Variants in TEKT2 observed in about 807,000 individuals in gnomAD.
TEKT2 encodes tektin 2, also known as tektin-2.
In TEKT2, 45 loss-of-function variants were observed where a neutral mutation model predicts 49.8. The observed-to-expected ratio is 0.90, with a 90% confidence interval of 0.71 to 1.16. The LOEUF is 1.16. TEKT2 is among the 50% of genes most tolerant of loss of function. The pLI, the probability that TEKT2 is intolerant of heterozygous loss-of-function variation, is 0.00. For synonymous variants in TEKT2, 202 were observed against 224.6 expected, an observed-to-expected ratio of 0.90 and a Z score of 0.90; for missense variants, 523 against 551.4, an observed-to-expected ratio of 0.95 and a Z score of 0.52.
chr1:36,087,802 A>G lies in TEKT2; in HGVS notation c.1074A>G (p.Gln358=). Residue 358 remains glutamine (Q), a synonymous_variant, in exon 9 of 10, where the codon CAA becomes CAG. Coordinates refer to ENST00000207457, the MANE Select transcript of TEKT2 (RefSeq NM_014466.3). This position sits in a 1 kb window ranked among gnomAD's most constrained non-coding sequence, Gnocchi z 4.9. ...CTGCCCTGAAGCAGAAGCTGGCGCA[A>G]GCACAGTAGGTCTCGGGAGTGGGCG... ...TIAALKQKLA[Q]AQDALDALCK... is the part of the protein sequence containing the mutation. 1 of 1,613,754 alleles carries G rather than the reference A, an allele frequency of 6.2e-7. No homozygotes were observed. The highest frequency in any genetic ancestry group is 8.5e-7 in the Non-Finnish European group (1 of 1,180,002).
At position 36,087,231 on chromosome 1, in the gene TEKT2, G is replaced by T. The variant is rs776990867; in HGVS notation, c.775G>T (p.Val259Phe). The T allele has an allele frequency of 6.2e-7, 1 of 1,614,162 alleles. No homozygotes were observed. The highest frequency in any genetic ancestry group is 1.7e-5 in the Admixed American group (1 of 60,032). Residue 259 changes from valine (V) to phenylalanine (F), a missense_variant, in exon 7 of 10, where the codon GTT (valine) becomes TTT (phenylalanine). Transcript: ENST00000207457. The surrounding 1 kb of genome is among the most constrained non-coding windows in gnomAD (Gnocchi z 4.9). ...ETNNELEAQR[V>F]ATEFAFRKRL... The stretch of plus-strand genomic sequence containing the variant: ...CAACAACGAGCTTGAAGCCCAGAGA[G>T]TTGCAACGGAATTTGCCTTCAGGAA...
chr1:36,085,507 CT>C (rs1159834731), intron 3 of TEKT2, among the ~76,000 whole-genome samples: 4,809 of 82,670 alleles, frequency 0.058, 126 homozygotes, highest in African/African-American at 0.2. Context: ...TCTTTCTTTT[CT>C]TTTTTTTTTT....
At position 36,087,549 on chromosome 1, in the gene TEKT2, C is replaced by G; in HGVS notation, c.966C>G (p.Thr322=). The G allele has an allele frequency of 6.2e-7, 1 of 1,613,854 alleles. No homozygotes were observed. The highest frequency in any genetic ancestry group is 1.6e-4 in the Middle Eastern group (1 of 6,062). Residue 322 remains threonine, a synonymous_variant, in exon 8 of 10, where the codon ACC becomes ACG. Transcript: ENST00000207457. The surrounding 1 kb of genome is among the most constrained non-coding windows in gnomAD (Gnocchi z 4.9). ...CCCATACCCGGCTAGAGGCCAGAACCTACCGGCCCAACGTGGAACTCTGCC... is the reference window on the plus strand; with the variant it reads ...CCCATACCCGGCTAGAGGCCAGAACGTACCGGCCCAACGTGGAACTCTGCC... ...KLSHTRLEAR[T]YRPNVELCRD...
Position 36,087,662 on chromosome 1 carries a change from C to A in TEKT2, c.1000-66C>A. The A allele has an allele frequency of 6.2e-7, 1 of 1,612,204 alleles. No individual in the cohort carries two copies. Among genetic ancestry groups the A allele is most frequent in the South Asian group, 1.1e-5 (1 of 90,802 alleles). On this transcript the variant is annotated intron_variant, in intron 8 of 9. Coordinates refer to ENST00000207457, the MANE Select transcript of TEKT2 (RefSeq NM_014466.3). This position sits in a 1 kb window ranked among gnomAD's most constrained non-coding sequence, Gnocchi z 4.9. Reference sequence around the variant, plus strand: ...CCTGATGGAGCAAGGGCACTGCTGTCAAGGGGCAGCACTCAGGTAAAGGAC... The same window carrying A: ...CCTGATGGAGCAAGGGCACTGCTGTAAAGGGGCAGCACTCAGGTAAAGGAC...
Position 36,087,052 on chromosome 1 carries a change from G to T in TEKT2, c.747+7G>T. ...TGCTCTAACTATTGCTGAGGTGACAGGCCACCCACAGCTAATGGATGGTCC... is the reference window on the plus strand; with the variant it reads ...TGCTCTAACTATTGCTGAGGTGACATGCCACCCACAGCTAATGGATGGTCC... On this transcript the variant is annotated splice_region_variant and intron_variant, in intron 6 of 9. Transcript: ENST00000207457. This position sits in a 1 kb window ranked among gnomAD's most constrained non-coding sequence, Gnocchi z 4.9. 1 of 1,613,450 alleles carries T rather than the reference G, an allele frequency of 6.2e-7. No homozygotes were observed. The highest frequency in any genetic ancestry group is 1.1e-5 in the South Asian group (1 of 91,004).
Position 36,084,970 on chromosome 1 carries a change from T to C in TEKT2, c.49T>C (p.Trp17Arg). The change falls in exon 2 of 10, where the codon TGG becomes CGG. Residue 17 changes from tryptophan to arginine, a missense_variant. By Grantham distance (101) the Trp-to-Arg change is moderately radical (BLOSUM62 -3). Coordinates refer to ENST00000207457, the MANE Select transcript of TEKT2 (RefSeq NM_014466.3). This position sits in a 1 kb window ranked among gnomAD's most constrained non-coding sequence, Gnocchi z 4.1. ...KPSRRFQLPDWHTNSYLLSTN... is the reference protein window; with the variant it reads ...KPSRRFQLPDRHTNSYLLSTN... ...AAGTCGGCGCTTCCAGCTGCCCGAC[T>C]GGCACACTAACAGCTACCTGCTATC... 2 of 1,614,086 alleles carry C rather than the reference T, an allele frequency of 1.2e-6. No individual in the cohort carries two copies. The highest frequency in any genetic ancestry group is 1.7e-6 in the Non-Finnish European group (2 of 1,180,040).
At position 36,087,944 on chromosome 1, in the gene TEKT2, G is replaced by A. The variant is rs767777861; in HGVS notation, c.1080-29G>A. 5.0e-6 allele frequency: 8 copies of A among 1,600,430 alleles called. No homozygotes were observed. The highest frequency in any genetic ancestry group is 6.8e-6 in the Non-Finnish European group (8 of 1,173,762). ...GCCCAGGCCTCCCAGCCTCATGGGG[G>A]CTGGGGGGTTGTCAATGTCCTTCCC... is the stretch of plus-strand genomic sequence containing the variant. On this transcript the variant is annotated intron_variant, in intron 9 of 9. Coordinates refer to ENST00000207457, the MANE Select transcript of TEKT2 (RefSeq NM_014466.3). This position sits in a 1 kb window ranked among gnomAD's most constrained non-coding sequence, Gnocchi z 4.9.
chr1:36,086,989 G>A lies in TEKT2; in HGVS notation c.691G>A (p.Ala231Thr). ...FSRFNKDRAE[A>T]EMKAATELRE... ...TCGGTTCAACAAGGACCGAGCGGAG[G>A]CTGAGATGAAGGCAGCCACAGAGCT... Residue 231 changes from alanine (A) to threonine (T), a missense_variant, in exon 6 of 10, where the codon GCT becomes ACT. Coordinates refer to ENST00000207457, the MANE Select transcript of TEKT2 (RefSeq NM_014466.3). 6 of 1,613,994 alleles carry A rather than the reference G, an allele frequency of 3.7e-6. No homozygotes were observed. Among genetic ancestry groups the A allele is most frequent in the Non-Finnish European group, 5.1e-6 (6 of 1,180,046 alleles).
chr1:36,085,810 G>A lies in TEKT2; in HGVS notation c.283-26G>A, dbSNP rs202104747. ...GCTGGGATTACAGATGTGAGCCACC[G>A]TGCCCGGCCGCGCCCTCTTTTCTAG... On this transcript the variant is annotated intron_variant, in intron 3 of 9. Coordinates refer to ENST00000207457, the MANE Select transcript of TEKT2 (RefSeq NM_014466.3). The A allele has an allele frequency of 1.3e-4, 211 of 1,606,532 alleles. No individual in the cohort carries two copies. The Middle Eastern group carries it at 3.0e-3, about 23-fold the overall frequency.
At position 36,087,961 on chromosome 1, in the gene TEKT2, G is replaced by A. The variant is rs368430902; in HGVS notation, c.1080-12G>A. 1.9e-6 allele frequency: 3 copies of A among 1,606,044 alleles called. No homozygotes were observed. The highest frequency in any genetic ancestry group is 2.5e-6 in the Non-Finnish European group (3 of 1,176,854). ...TCATGGGGGCTGGGGGGTTGTCAAT[G>A]TCCTTCCCTAGGGACGCACTGGACG... On this transcript the variant is annotated splice_polypyrimidine_tract_variant and intron_variant, in intron 9 of 9. Transcript: ENST00000207457. The surrounding 1 kb of genome is among the most constrained non-coding windows in gnomAD (Gnocchi z 4.9).
At position 36,086,821 on chromosome 1, in the gene TEKT2, G is replaced by A. The variant is rs137953218; in HGVS notation, c.606G>A (p.Lys202=). ...TCAGATCCCCAAACATCTCGCTGAA[G>A]GTTGACCCCACACGTGTACCTGATG... The part of the protein sequence containing the change: ...LNLRSPNISL[K]VDPTRVPDGS... The change falls in exon 5 of 10, where the codon AAG becomes AAA. Residue 202 remains lysine (K), a synonymous_variant. Coordinates refer to ENST00000207457, the MANE Select transcript of TEKT2 (RefSeq NM_014466.3). 2 of 1,614,126 alleles carry A rather than the reference G, an allele frequency of 1.2e-6. No individual in the cohort carries two copies. The highest frequency in any genetic ancestry group is 1.3e-5 in the African/African-American group (1 of 75,018).
At chr1:36,086,608 A>G (rs1570001194) in intron 4 of TEKT2, 96 bp from the exon 5 acceptor site, 2 of 1,549,072 alleles carry the variant, frequency 1.3e-6, no homozygotes, top group Admixed American at 3.4e-5. Flanking sequence ...GGGAAGGGTC[A>G]CCCCAGCCTC....
Position 36,087,507 on chromosome 1 carries a change from C to G in TEKT2, c.924C>G (p.Leu308=). The part of the protein sequence containing the change: ...RHLEEDLRTK[L]LSLKLSHTRL... ...TGGAGGAGGATCTGCGCACAAAGCT[C>G]CTGAGCCTGAAGCTGTCCCATACCC... The change falls in exon 8 of 10, where the codon CTC becomes CTG. Residue 308 remains leucine (L), a synonymous_variant. Coordinates refer to ENST00000207457, the MANE Select transcript of TEKT2 (RefSeq NM_014466.3). The surrounding 1 kb of genome is among the most constrained non-coding windows in gnomAD (Gnocchi z 4.9). 1 of 1,613,836 alleles carries G rather than the reference C, an allele frequency of 6.2e-7. No homozygotes were observed. Among genetic ancestry groups the G allele is most frequent in the South Asian group, 1.1e-5 (1 of 91,086 alleles).
In TEKT2 at chr1:36,087,212, C is replaced by T. The variant is rs1175297809; in HGVS notation, c.756C>T (p.Asn252=). 2.5e-6 allele frequency: 4 copies of T among 1,614,116 alleles called. No individual in the cohort carries two copies. The highest frequency in any genetic ancestry group is 1.1e-5 in the South Asian group (1 of 91,088). The change falls in exon 7 of 10, where the codon AAC becomes AAT. Residue 252 remains asparagine (N), a synonymous_variant. Coordinates refer to ENST00000207457, the MANE Select transcript of TEKT2 (RefSeq NM_014466.3). This position sits in a 1 kb window ranked among gnomAD's most constrained non-coding sequence, Gnocchi z 4.9. ...ATALTIAETN[N]ELEAQRVATE... The stretch of plus-strand genomic sequence containing the variant: ...TGTGTTTTCTCCTTCAGACCAACAA[C>T]GAGCTTGAAGCCCAGAGAGTTGCAA...
rs140512221 is a variant in TEKT2 at position 36,085,274 on chromosome 1, G to A, written c.268G>A (p.Asp90Asn). The change falls in exon 3 of 10, where the codon GAT becomes AAT. Residue 90 changes from aspartate (D) to asparagine (N), a missense_variant. Transcript: ENST00000207457. ...KCLTDLDAEI[D>N]ALTQMKESAE... ...TCTGACAGATTTAGATGCCGAGATCGATGCCCTGACACAGGCAGGGATCCA... is the reference window on the plus strand; with the variant it reads ...TCTGACAGATTTAGATGCCGAGATCAATGCCCTGACACAGGCAGGGATCCA... The A allele has an allele frequency of 1.7e-4, 269 of 1,613,996 alleles. No homozygotes were observed. The highest frequency in any genetic ancestry group is 1.2e-3 in the South Asian group (111 of 91,084).
At position 36,084,842 on chromosome 1, in the gene TEKT2, C is replaced by G; in HGVS notation, c.-52-28C>G. ...TGATCCAGGAGGTCTCCGGAAAGGT[C>G]TCCCGCAGCAGTGTTTTCCCTCTGC... On this transcript the variant is annotated intron_variant, in intron 1 of 9. Transcript: ENST00000207457. This position sits in a 1 kb window ranked among gnomAD's most constrained non-coding sequence, Gnocchi z 4.1. 11 of 1,604,664 alleles carry G rather than the reference C, an allele frequency of 6.9e-6. No individual in the cohort carries two copies. Among genetic ancestry groups the G allele is most frequent in the Non-Finnish European group, 9.4e-6 (11 of 1,174,070 alleles).
Position 36,087,902 on chromosome 1 carries a change from T to C in TEKT2, c.1080-71T>C. On this transcript the variant is annotated intron_variant, in intron 9 of 9. Coordinates refer to ENST00000207457, the MANE Select transcript of TEKT2 (RefSeq NM_014466.3). The surrounding 1 kb of genome is among the most constrained non-coding windows in gnomAD (Gnocchi z 4.9). The stretch of plus-strand genomic sequence containing the variant: ...GGCTCCCTGGGGCTGTCTTCCTGAC[T>C]GAAGGCTATGCACGCAGCCCAGGCC... 1 of 1,591,192 alleles carries C rather than the reference T, an allele frequency of 6.3e-7. No homozygotes were observed. Among genetic ancestry groups the C allele is most frequent in the Non-Finnish European group, 8.6e-7 (1 of 1,168,374 alleles).
chr1:36,086,655 G>A lies in TEKT2; in HGVS notation c.489-49G>A, dbSNP rs754059267. On this transcript the variant is annotated intron_variant, in intron 4 of 9. Transcript: ENST00000207457. ...GTGTCCCTTTAGTACAGTGAGGCCTGCCTCTGGCCCTTGGGGGATGGTCCT... is the reference window on the plus strand; with the variant it reads ...GTGTCCCTTTAGTACAGTGAGGCCTACCTCTGGCCCTTGGGGGATGGTCCT... 3.1e-6 allele frequency: 5 copies of A among 1,613,402 alleles called. No individual in the cohort carries two copies. The Admixed American group carries it at 8.3e-5, about 27-fold the overall frequency.
In TEKT2 at chr1:36,087,057, CCCA is replaced by C. The variant is rs754133385; in HGVS notation, c.747+14_747+16del. 6.2e-7 allele frequency: 1 copy of C among 1,612,540 alleles called. No individual in the cohort carries two copies. Among genetic ancestry groups the C allele is most frequent in the Admixed American group, 1.7e-5 (1 of 59,982 alleles). On this transcript the variant is annotated intron_variant, in intron 6 of 9. Transcript: ENST00000207457. This position sits in a 1 kb window ranked among gnomAD's most constrained non-coding sequence, Gnocchi z 4.9. ...TAACTATTGCTGAGGTGACAGGCCA[CCCA>C]CAGCTAATGGATGGTCCCAGTGTGC...
Sources: gnomAD v4.1 joint callset for allele counts (sites outside exome capture counted in the v4.1 genomes callset) on GRCh38, gnomAD v4.1.1 for gene constraint, Gnocchi (gnomAD v3.1) non-coding constraint, MANE v1.5 for transcripts, NCBI Gene and HGNC (gene_info 2026-07-23, HGNC 2026-07-21) for gene names.